Variants in MYH11 observed in about 807,000 individuals in gnomAD.
MYH11 encodes myosin heavy chain 11.
Under a neutral mutation model 246.6 loss-of-function variants are expected in MYH11, and 80 were observed. The ratio of observed to expected loss-of-function variants is 0.32; its 90% CI spans 0.27 to 0.39. The LOEUF (loss-of-function observed/expected upper bound fraction) is 0.39, where lower values mean the gene tolerates loss of function less well. MYH11 is among the 10% of genes least tolerant of loss of function. MYH11 has a pLI of 1.00. For synonymous variants in MYH11, 1,071 were observed against 1,015.5 expected, an observed-to-expected ratio of 1.05 and a Z score of -1.04; for missense variants, 2,158 against 2,546.8, an observed-to-expected ratio of 0.85 and a Z score of 3.29.
chr16:15,853,218 C>G, intron 1 of MYH11, among the ~76,000 whole-genome samples: 1 of 152,028 alleles, frequency 6.6e-6, no homozygotes, highest in Non-Finnish European at 1.5e-5. Flanking sequence ...CAATCAGGGC[C>G]CACGGCAGCC....
chr16:15,746,247 T>C (rs1028601735), intron 19 of MYH11, among the ~76,000 whole-genome samples: 1 of 152,034 alleles, frequency 6.6e-6, no homozygotes, highest in African/African-American at 2.4e-5. Context: ...TATTCTCTCC[T>C]GGGTTGTTTT....
At chr16:15,855,868 C>CA (rs1247239428) in intron 1 of MYH11, among the ~76,000 whole-genome samples, 3 of 152,218 alleles carry the variant, frequency 2.0e-5, no homozygotes, top group Non-Finnish European at 2.9e-5. Flanking sequence ...CCCGGACGGA[C>CA]AGTTCACCAT....
chr16:15,752,976 G>A (rs368146904), intron 15 of MYH11, among the ~76,000 whole-genome samples: 6 of 152,100 alleles, frequency 3.9e-5, no homozygotes, highest in South Asian at 2.1e-4. Flanking sequence ...TAGTAGAGAC[G>A]GCAACTATTA....
intron 2 of MYH11, among the ~76,000 whole-genome samples, chr16:15,824,980 A>G (rs1315524798): frequency 6.6e-6 from 1 of 152,166 alleles, no homozygotes; most frequent in Non-Finnish European, 1.5e-5. Flanking sequence ...TGTTTACCCC[A>G]CAGCGCCTGC....
At chr16:15,752,795 C>G (rs920528235) in intron 15 of MYH11, among the ~76,000 whole-genome samples, 1 of 152,200 alleles carries the variant, frequency 6.6e-6, no homozygotes, top group Non-Finnish European at 1.5e-5. Flanking sequence ...AGGAAAATCA[C>G]TGGAACCCAG....
chr16:15,819,405 TTCA>T (rs1324255618), intron 3 of MYH11, among the ~76,000 whole-genome samples: 1 of 152,170 alleles, frequency 6.6e-6, no homozygotes, highest in Admixed American at 6.6e-5. Flanking sequence ...AGTAGTGGGC[TTCA>T]TCTGTATTTA....
At chr16:15,766,344 GGTGTGTGTGTGTGTGTGTGTGT>G (rs3073439) in intron 9 of MYH11, among the ~76,000 whole-genome samples, 20 of 136,688 alleles carry the variant, frequency 1.5e-4, no homozygotes, top group African/African-American at 4.8e-4. Flanking sequence ...CATGTTTTTT[GGTGTGTGTGTGTGTGTGTGTGT>G]GTGTGTGTGT....
intron 4 of MYH11, among the ~76,000 whole-genome samples, chr16:15,789,925 A>G (rs1411124689): frequency 6.6e-6 from 1 of 152,230 alleles, no homozygotes; most frequent in Non-Finnish European, 1.5e-5. Context: ...CAGTGCTCCT[A>G]GACTGCTGCT....
intron 17 of MYH11, 35 bp downstream of exon 17, chr16:15,748,012 C>A (rs776106086): frequency 6.2e-7 from 1 of 1,614,226 alleles, no homozygotes; most frequent in Non-Finnish European, 8.5e-7. Flanking sequence ...TCCCGCTCAC[C>A]CCCTGCCCTA....
At chr16:15,749,270 C>T (rs2041501931) in intron 16 of MYH11, 2 of 151,934 alleles carry the variant, frequency 1.3e-5, no homozygotes, top group Non-Finnish European at 2.9e-5. Context: ...GTTTCTCAGC[C>T]TCCTGAGTAG....
At chr16:15,835,396 GA>G (rs2043865137) in intron 2 of MYH11, among the ~76,000 whole-genome samples, 1 of 152,156 alleles carries the variant, frequency 6.6e-6, no homozygotes, top group African/African-American at 2.4e-5. Flanking sequence ...TCTGGTTAAG[GA>G]CTAATTTTTC....
intron 12 of MYH11, 123 bp downstream of exon 12, chr16:15,759,453 C>T: frequency 7.8e-7 from 1 of 1,281,420 alleles, no homozygotes. Context: ...CCACCCTTAA[C>T]TAGACAGCCT....
At chr16:15,848,929 A>T (rs1201179025) in intron 1 of MYH11, among the ~76,000 whole-genome samples, 1 of 152,018 alleles carries the variant, frequency 6.6e-6, no homozygotes, top group Non-Finnish European at 1.5e-5. Flanking sequence ...ACCTTGATGC[A>T]CCTTCCCAAC....
Position 15,841,463 on chromosome 16 carries a change from T to G in MYH11, c.-17-3194A>C, listed in dbSNP as rs151067453. On this transcript the variant is annotated intron_variant, in intron 1 of 40. Coordinates refer to ENST00000300036, the MANE Select transcript of MYH11 (RefSeq NM_002474.3). ...CCAAATGCATTATTTTTTAAATGGG[T>G]ACAGAAAGTGGGGTGGAAATGTGAA... 7.8e-3 allele frequency among the ~76,000 whole-genome samples: 1,180 copies of G among 152,248 alleles called. 5 individuals carry two copies. The highest frequency in any genetic ancestry group is 0.01 in the Non-Finnish European group (695 of 68,004).
At chr16:15,776,616 G>C (rs1396551184) in intron 7 of MYH11, among the ~76,000 whole-genome samples, 1 of 152,160 alleles carries the variant, frequency 6.6e-6, no homozygotes. Context: ...TAGGAAATAA[G>C]TGCAACTATT....
Position 15,738,702 on chromosome 16 carries a change from G to A in MYH11, c.2998-14C>T, listed in dbSNP as rs371320304. 3 of 1,613,170 alleles carry A rather than the reference G, an allele frequency of 1.9e-6. No homozygotes were observed. The highest frequency in any genetic ancestry group is 1.1e-5 in the South Asian group (1 of 90,954). On this transcript the variant is annotated splice_polypyrimidine_tract_variant and intron_variant, in intron 23 of 40. Transcript: ENST00000300036. Reference sequence around the variant, plus strand: ...GAGTTTTCGTTCCTTTTTGGGGAAAGAGAAAGAGATAGCTTTAGGATTTTT... The same window carrying A: ...GAGTTTTCGTTCCTTTTTGGGGAAAAAGAAAGAGATAGCTTTAGGATTTTT...
At chr16:15,824,254 A>G (rs2043498805) in intron 2 of MYH11, among the ~76,000 whole-genome samples, 1 of 151,918 alleles carries the variant, frequency 6.6e-6, no homozygotes, top group African/African-American at 2.4e-5. Context: ...AAGTCTGAAG[A>G]GCAAGAACAG....
At position 15,720,278 on chromosome 16, in the gene MYH11, C is replaced by A. The variant is rs190316422; in HGVS notation, c.4826G>T (p.Arg1609Leu). The change falls in exon 34 of 41, where the codon CGA becomes CTA. Residue 1609 changes from arginine (R) to leucine (L), a missense_variant. This residue lies in a region of MYH11 where 1,013 missense variants were observed against 993.5 expected (regional missense o/e 1.02). Transcript: ENST00000300036. ...HEYETELEDE[R>L]KQRALAAAAK... is the part of the protein sequence containing the mutation. ...TGCAGCTGCCAGGGCACGTTGCTTT[C>A]GCTCGTCTTCCAGTTCCGTCTCATA... 1 of 1,614,140 alleles carries A rather than the reference C, an allele frequency of 6.2e-7. No individual in the cohort carries two copies. Among genetic ancestry groups the A allele is most frequent in the Non-Finnish European group, 8.5e-7 (1 of 1,180,014 alleles).
rs758435928 is a variant in MYH11 at position 15,784,751 on chromosome 16, T to C, written c.633+1879A>G. ...TGAACAACACAGTATAAAACAAATG[T>C]CAGCGTTATTTCCATCACATGGACA... On this transcript the variant is annotated intron_variant, in intron 5 of 40. Coordinates refer to ENST00000300036, the MANE Select transcript of MYH11 (RefSeq NM_002474.3). 1.5e-5 allele frequency: 25 copies of C among 1,613,406 alleles called. No homozygotes were observed. In the South Asian group the frequency reaches 2.3e-4, roughly 15 times the overall value.
Sources: allele counts gnomAD v4.1 joint callset (sites outside exome capture counted in the v4.1 genomes callset), GRCh38; gene constraint gnomAD v4.1.1; regional missense constraint gnomAD v4.1.1; transcripts MANE v1.5; gene names NCBI Gene and HGNC (gene_info 2026-07-23, HGNC 2026-07-21).